Variants in MDGA1 observed in about 807,000 individuals in gnomAD.
The protein encoded by MDGA1 is MAM domain-containing glycosylphosphatidylinositol anchor protein 1.
MDGA1 carries 54 observed loss-of-function variants against 101.5 expected under a neutral mutation model. The ratio of observed to expected loss-of-function variants is 0.53; its 90% CI spans 0.43 to 0.67. The LOEUF (loss-of-function observed/expected upper bound fraction) is 0.67, where lower values mean the gene tolerates loss of function less well. Among genes scored for constraint, MDGA1 ranks in the 30% least tolerant of loss-of-function variants. The pLI is 0.00. For missense variants in MDGA1, 1,083 were observed against 1,323.8 expected, an observed-to-expected ratio of 0.82 and a Z score of 2.82; for synonymous variants, 533 against 558.3, an observed-to-expected ratio of 0.95 and a Z score of 0.64.
At chr6:37,679,233 G>A (rs1762043686) in intron 1 of MDGA1, among the ~76,000 whole-genome samples, 2 of 152,010 alleles carry the variant, frequency 1.3e-5, no homozygotes, top group Admixed American at 6.6e-5. Context: ...CGAGTAGGTG[G>A]GGGGAGAAAA....
At position 37,688,881 on chromosome 6, in the gene MDGA1, C is replaced by T. The variant is rs1195251481; in HGVS notation, c.67+7864G>A. Among the ~76,000 whole-genome samples the T allele has an allele frequency of 5.3e-5, 8 of 152,212 alleles. No individual in the cohort carries two copies. In the South Asian group the frequency reaches 1.0e-3, roughly 20 times the overall value. On this transcript the variant is annotated intron_variant, in intron 1 of 16. Transcript: ENST00000434837. ...AGGCTGCCCACCTGGCCCTCCAACCCGAGTCCAGACTTCTTACTTGAAGCC... is the reference window on the plus strand; with the variant it reads ...AGGCTGCCCACCTGGCCCTCCAACCTGAGTCCAGACTTCTTACTTGAAGCC...
chr6:37,674,911 G>A (rs1466643439), intron 1 of MDGA1, among the ~76,000 whole-genome samples: 3 of 152,282 alleles, frequency 2.0e-5, no homozygotes, highest in Non-Finnish European at 4.4e-5. Flanking sequence ...CAAAAAATTA[G>A]CTGAGTGTGG....
intron 1 of MDGA1, among the ~76,000 whole-genome samples, chr6:37,678,921 G>T (rs2114086656): frequency 6.6e-6 from 1 of 151,954 alleles, no homozygotes; most frequent in East Asian, 1.9e-4. Flanking sequence ...TTTTCAAAAG[G>T]CGAGCACCCC....
intron 1 of MDGA1, among the ~76,000 whole-genome samples, chr6:37,667,030 C>T (rs553610541): frequency 2.6e-5 from 4 of 152,218 alleles, no homozygotes; most frequent in South Asian, 2.1e-4. Context: ...ATGAAAAATG[C>T]TTAGTAGAGT....
intron 14 of MDGA1, 23 bp downstream of exon 14, chr6:37,643,786 G>A (rs368826781): frequency 2.4e-4 from 394 of 1,613,218 alleles, no homozygotes; most frequent in Non-Finnish European, 3.3e-4. Flanking sequence ...ACTTGGTGGA[G>A]ACTACCTGGC....
intron 1 of MDGA1, 112 bp from the exon 2 acceptor site, chr6:37,664,218 C>G (rs1407702541): frequency 7.1e-7 from 1 of 1,400,262 alleles, no homozygotes; most frequent in East Asian, 2.3e-5. Flanking sequence ...TCTCCCCAGG[C>G]CATTCCTCAG....
chr6:37,664,179 TGA>T, intron 1 of MDGA1, 73 bp from the exon 2 acceptor site: 1 of 1,576,008 alleles, frequency 6.3e-7, no homozygotes, highest in South Asian at 1.1e-5. Flanking sequence ...GGCTCCCTCC[TGA>T]GTGTATCTGG....
At chr6:37,680,186 G>C (rs577327778) in intron 1 of MDGA1, among the ~76,000 whole-genome samples, 31 of 152,332 alleles carry the variant, frequency 2.0e-4, no homozygotes, top group South Asian at 8.3e-4. Flanking sequence ...TGGAAGGTGA[G>C]CTGTGCGGGA....
intron 1 of MDGA1, among the ~76,000 whole-genome samples, chr6:37,671,528 A>G (rs78331173): frequency 6.6e-6 from 1 of 152,354 alleles, no homozygotes; most frequent in African/African-American, 2.4e-5. Context: ...CCGAGGCAGA[A>G]TGCTGCTGGC....
intron 1 of MDGA1, among the ~76,000 whole-genome samples, chr6:37,683,515 G>A (rs1349072520): frequency 6.7e-6 from 1 of 149,836 alleles, no homozygotes; most frequent in African/African-American, 2.5e-5. Context: ...AATGCCTGCG[G>A]GCACCTCTCT....
At chr6:37,646,901 G>A (rs2114011333) in intron 10 of MDGA1, among the ~76,000 whole-genome samples, 1 of 152,232 alleles carries the variant, frequency 6.6e-6, no homozygotes, top group African/African-American at 2.4e-5. Flanking sequence ...GAGCAGTGCT[G>A]GCTCCCTCCC....
rs1186745627 is a variant in MDGA1 at position 37,649,072 on chromosome 6, G to A, written c.1804C>T (p.Leu602Phe). Residue 602 changes from leucine (L) to phenylalanine (F), a missense_variant, in exon 9 of 17, where the codon CTC becomes TTC. This residue lies in a region of MDGA1 where 657 missense variants were observed against 771.4 expected (regional missense o/e 0.85). Transcript: ENST00000434837. ...CTGCTGTCGCGAGTTACGGCGTCGA[G>A]GCGCAGCTCCGCGTGATCCGGCGCC... is the stretch of plus-strand genomic sequence containing the variant. Reference protein sequence around the residue: ...AEAPDHAELRLDAVTRDSSGS... With the variant: ...AEAPDHAELRFDAVTRDSSGS... The A allele has an allele frequency of 4.6e-6, 7 of 1,538,376 alleles. No homozygotes were observed. Among genetic ancestry groups the A allele is most frequent in the Non-Finnish European group, 6.1e-6 (7 of 1,142,888 alleles).
At chr6:37,678,736 T>G (rs143236570) in intron 1 of MDGA1, among the ~76,000 whole-genome samples, 1 of 140,856 alleles carries the variant, frequency 7.1e-6, no homozygotes, top group Non-Finnish European at 1.5e-5. Context: ...GCCTGCTCCA[T>G]CCCTTCCTTC....
intron 1 of MDGA1, among the ~76,000 whole-genome samples, chr6:37,680,261 C>A (rs1762065877): frequency 6.6e-6 from 1 of 152,220 alleles, no homozygotes; most frequent in Non-Finnish European, 1.5e-5. Context: ...CTGTGGAGGC[C>A]TGTGCCCTGA....
chr6:37,663,834 C>T (rs933041610), intron 2 of MDGA1, 133 bp downstream of exon 2: 3 of 983,926 alleles, frequency 3.0e-6, no homozygotes, highest in Non-Finnish European at 4.4e-6. Flanking sequence ...TTTCCCCAGC[C>T]CCCATCTCCT....
chr6:37,658,104 TG>T, intron 3 of MDGA1, 140 bp downstream of exon 3: 1 of 915,320 alleles, frequency 1.1e-6, no homozygotes, highest in Non-Finnish European at 1.6e-6. Context: ...ACACACCGCC[TG>T]GTACCTCTTA....
At chr6:37,681,715 G>C (rs529458071) in intron 1 of MDGA1, among the ~76,000 whole-genome samples, 1 of 151,866 alleles carries the variant, frequency 6.6e-6, no homozygotes, top group Non-Finnish European at 1.5e-5. Context: ...TACCAAGTGA[G>C]AGCAGTTTAT....
Position 37,638,151 on chromosome 6 carries a change from G to T in MDGA1, c.2776+54C>A. The T allele has an allele frequency of 1.4e-6, 2 of 1,476,380 alleles. No individual in the cohort carries two copies. Among genetic ancestry groups the T allele is most frequent in the Non-Finnish European group, 1.9e-6 (2 of 1,058,404 alleles). The allele number at this position is 1,476,380 out of a possible 1,614,324, so 91.5% of individuals were successfully genotyped here. ...CCTCCCTCAACAGACAGGAACCCCCGCCACGCACAGCTCCCTCCAGATTCA... is the reference window on the plus strand; with the variant it reads ...CCTCCCTCAACAGACAGGAACCCCCTCCACGCACAGCTCCCTCCAGATTCA... On this transcript the variant is annotated intron_variant, in intron 16 of 16. Transcript: ENST00000434837. The surrounding 1 kb of genome is among the most constrained non-coding windows in gnomAD (Gnocchi z 4.8).
At chr6:37,687,760 C>T (rs1048001373) in intron 1 of MDGA1, among the ~76,000 whole-genome samples, 1 of 152,096 alleles carries the variant, frequency 6.6e-6, no homozygotes, top group Admixed American at 6.5e-5. Context: ...GTGTGAGCCA[C>T]AGCACCTGGC....
Sources: gnomAD v4.1 joint callset for allele counts (sites outside exome capture counted in the v4.1 genomes callset) on GRCh38, gnomAD v4.1.1 for gene constraint, gnomAD v4.1.1 regional missense constraint, Gnocchi (gnomAD v3.1) non-coding constraint, MANE v1.5 for transcripts, NCBI Gene and HGNC (gene_info 2026-07-23, HGNC 2026-07-21) for gene names.